Variants in ATXN1 observed in about 807,000 individuals in gnomAD.
ATXN1 encodes the protein ataxin-1.
In ATXN1, 8 loss-of-function variants were observed where a neutral mutation model predicts 56.4. The observed-to-expected ratio is 0.14, with a 90% CI of 0.08 to 0.26. The LOEUF (loss-of-function observed/expected upper bound fraction) is 0.26. Among genes scored for constraint, ATXN1 ranks in the 10% least tolerant of loss-of-function variants. ATXN1 has a pLI of 1.00. For missense variants in ATXN1, 987 were observed against 1,106.5 expected, an observed-to-expected ratio of 0.89 and a Z score of 1.53; for synonymous variants, 514 against 494.6, an observed-to-expected ratio of 1.04 and a Z score of -0.52.
At chr6:16,671,702 A>G (rs979986809) in intron 2 of ATXN1, among the ~76,000 whole-genome samples, 2 of 152,212 alleles carry the variant, frequency 1.3e-5, no homozygotes, top group African/African-American at 4.8e-5. Context: ...TATCAACACA[A>G]GAGTTAATCA....
intron 3 of ATXN1, among the ~76,000 whole-genome samples, chr6:16,627,289 C>T (rs1464042680): frequency 6.6e-6 from 1 of 152,126 alleles, no homozygotes; most frequent in Admixed American, 6.5e-5. Flanking sequence ...GCAGCAAACT[C>T]AATGTTACCT....
intron 2 of ATXN1, among the ~76,000 whole-genome samples, chr6:16,659,110 G>A (rs1758264933): frequency 6.6e-6 from 1 of 152,184 alleles, no homozygotes; most frequent in Admixed American, 6.5e-5. Context: ...GGAGGAGAAA[G>A]TGTCTCTCCG....
intron 4 of ATXN1, among the ~76,000 whole-genome samples, chr6:16,572,197 T>C (rs1285459460): frequency 6.6e-6 from 1 of 152,286 alleles, no homozygotes; most frequent in Non-Finnish European, 1.5e-5. Context: ...AACTTCCACT[T>C]ACAATTAACT....
At chr6:16,649,657 C>T (rs1479379584) in intron 3 of ATXN1, among the ~76,000 whole-genome samples, 1 of 152,168 alleles carries the variant, frequency 6.6e-6, no homozygotes, top group Non-Finnish European at 1.5e-5. Flanking sequence ...TAACCAAAAA[C>T]ATCTATTTTT....
intron 5 of ATXN1, among the ~76,000 whole-genome samples, chr6:16,492,695 C>T (rs1243458967): frequency 6.6e-6 from 1 of 151,488 alleles, no homozygotes; most frequent in Non-Finnish European, 1.5e-5. Context: ...CAGTTTTTTG[C>T]TCTCTCTGTT....
intron 2 of ATXN1, among the ~76,000 whole-genome samples, chr6:16,703,945 G>A (rs1042324616): frequency 6.6e-6 from 1 of 152,206 alleles, no homozygotes; most frequent in Admixed American, 6.5e-5. Context: ...CTTGAACCTG[G>A]GGGGTGGAGG....
rs1002201850 is a variant in ATXN1 at position 16,436,090 on chromosome 6, G to T, written c.-161+49882C>A. Among the ~76,000 whole-genome samples the T allele has an allele frequency of 2.6e-5, 4 of 151,976 alleles. No homozygotes were observed. The South Asian group carries it at 8.3e-4, about 32-fold the overall frequency. ...TTTTTGTATTTTTAGTAGAGATGGG[G>T]TTTCACCACGTTGGCCAGCCTGGAC... On this transcript the variant is annotated intron_variant, in intron 6 of 7. Transcript: ENST00000436367.
At chr6:16,364,551 C>T (rs888715290) in intron 6 of ATXN1, among the ~76,000 whole-genome samples, 4 of 152,182 alleles carry the variant, frequency 2.6e-5, no homozygotes, top group Non-Finnish European at 1.5e-5. Context: ...GATCTGCCCG[C>T]CTCAGCCTCC....
intron 4 of ATXN1, among the ~76,000 whole-genome samples, chr6:16,525,806 T>C (rs555319319): frequency 6.7e-6 from 1 of 150,168 alleles, no homozygotes; most frequent in Non-Finnish European, 1.5e-5. Context: ...CACAAAAAAA[T>C]TAAAAATTAA....
At chr6:16,550,155 C>CAAAAAAAAAAAAAAAAAAAAAA (rs70999336) in intron 4 of ATXN1, among the ~76,000 whole-genome samples, 1 of 91,196 alleles carries the variant, frequency 1.1e-5, no homozygotes, top group Non-Finnish European at 2.3e-5. Context: ...AAATAAAATA[C>CAAAAAAAAAAAAAAAAAAAAAA]AAAAAAAAAA....
rs540675789 is a variant in ATXN1 at position 16,326,505 on chromosome 6, T to C, written c.1806A>G (p.Ala602=). 3 of 1,614,110 alleles carry C rather than the reference T, an allele frequency of 1.9e-6. No individual in the cohort carries two copies. The highest frequency in any genetic ancestry group is 2.5e-6 in the Non-Finnish European group (3 of 1,180,048). Residue 602 remains alanine, a synonymous_variant, in exon 7 of 8, where the codon GCA becomes GCG. Transcript: ENST00000436367. The surrounding 1 kb of genome is among the most constrained non-coding windows in gnomAD (Gnocchi z 6.6). ...DLKTEDFIQS[A]EISNDLKIDS... ...CGATCTTCAGGTCGTTGCTTATCTC[T>C]GCACTCTGGATGAAATCTTCTGTTT...
chr6:16,661,332 T>C lies in ATXN1; in HGVS notation c.-614-3431A>G, dbSNP rs147953763. Among the ~76,000 whole-genome samples the C allele has an allele frequency of 6.9e-3, 1,056 of 152,132 alleles. 10 individuals carry two copies. Among genetic ancestry groups the C allele is most frequent in the African/African-American group, 0.024 (1,010 of 41,504 alleles). On this transcript the variant is annotated intron_variant, in intron 2 of 7. Coordinates refer to ENST00000436367, the MANE Select transcript of ATXN1 (RefSeq NM_001128164.2). ...ATTTTACAAAATATAGAAAAATAAT[T>C]TTATAAGCATGAAAGGCCTTGTAGG...
intron 6 of ATXN1, among the ~76,000 whole-genome samples, chr6:16,443,222 A>AC (rs1561897929): frequency 2.0e-5 from 3 of 150,864 alleles, no homozygotes; most frequent in Admixed American, 6.6e-5. Context: ...AAAAAAAAAA[A>AC]AAAAAAAAAA....
At chr6:16,444,771 T>C (rs968575781) in intron 6 of ATXN1, among the ~76,000 whole-genome samples, 3 of 152,228 alleles carry the variant, frequency 2.0e-5, no homozygotes, top group African/African-American at 7.2e-5. Flanking sequence ...GATAAATTTA[T>C]GAATTCAGAT....
intron 2 of ATXN1, chr6:16,667,464 A>G (rs1758451308): frequency 6.6e-6 from 1 of 152,218 alleles, no homozygotes; most frequent in African/African-American, 2.4e-5. Context: ...CACATGGAAA[A>G]AGGAGTCTCA....
chr6:16,309,729 T>A (rs180010), intron 7 of ATXN1, among the ~76,000 whole-genome samples: 29,252 of 151,716 alleles, frequency 0.19, 3,047 homozygotes, highest in Admixed American at 0.26. Context: ...CAGGAAAAAA[T>A]ATCGTTAAAA....
chr6:16,601,019 C>G (rs1033945044), intron 3 of ATXN1, among the ~76,000 whole-genome samples: 3 of 152,120 alleles, frequency 2.0e-5, no homozygotes, highest in African/African-American at 7.2e-5. Context: ...GAGGTAATAA[C>G]AAAGGAGGCA....
At chr6:16,519,890 G>A (rs749739794) in intron 5 of ATXN1, among the ~76,000 whole-genome samples, 1 of 152,158 alleles carries the variant, frequency 6.6e-6, no homozygotes, top group Admixed American at 6.5e-5. Flanking sequence ...TAACCATTAC[G>A]AAAACCACAT....
At chr6:16,340,755 A>G (rs1032190533) in intron 6 of ATXN1, among the ~76,000 whole-genome samples, 6 of 152,232 alleles carry the variant, frequency 3.9e-5, no homozygotes, top group African/African-American at 1.2e-4. Flanking sequence ...AGTAACATCC[A>G]TCAGCGTTCA....
Sources: gnomAD v4.1 joint callset for allele counts (sites outside exome capture counted in the v4.1 genomes callset) on GRCh38, gnomAD v4.1.1 for gene constraint, Gnocchi (gnomAD v3.1) non-coding constraint, MANE v1.5 for transcripts, NCBI Gene and HGNC (gene_info 2026-07-23, HGNC 2026-07-21) for gene names.